The following PYURF variants were observed in gnomAD, a reference collection of about 807,000 sequenced individuals.
PYURF encodes the protein PIGY upstream open reading frame, also known as protein preY, mitochondrial.
In PYURF, 9 loss-of-function variants were observed where a neutral mutation model predicts 8.0. That is an observed-to-expected ratio of 1.13 (90% CI 0.68 to 1.97). The LOEUF (loss-of-function observed/expected upper bound fraction) is 1.97, where lower values mean the gene tolerates loss of function less well. PYURF is among the 30% of genes most tolerant of loss of function. The pLI is 0.00. For missense variants in PYURF, 130 were observed against 158.0 expected, an observed-to-expected ratio of 0.82 and a Z score of 0.95; for synonymous variants, 56 against 68.3, an observed-to-expected ratio of 0.82 and a Z score of 0.89.
In PYURF at chr4:88,521,190, G is replaced by C. The variant is rs1742361817; in HGVS notation, c.*698C>G. 5.4e-6 allele frequency: 1 copy of C among 184,492 alleles called. No individual in the cohort carries two copies. Among genetic ancestry groups the C allele is most frequent in the Admixed American group, 5.4e-5 (1 of 18,616 alleles). The allele number at this position is 184,492 out of a possible 1,614,324, so 11.4% of individuals were successfully genotyped here. A position where few individuals can be genotyped will look rare whatever the true frequency, so the allele number is the denominator to read the frequency against. ...GGACTATTCCAACATCACTCCTTTG[G>C]AATTATTTCAGTCATCCTTAACATG... On this transcript the variant is annotated 3_prime_UTR_variant, in exon 2 of 2. Coordinates refer to ENST00000273968, the MANE Select transcript of PYURF (RefSeq NM_032906.5).
chr4:88,521,728 A>T lies in PYURF; in HGVS notation c.*160T>A, dbSNP rs769973753. On this transcript the variant is annotated 3_prime_UTR_variant, in exon 2 of 2. Coordinates refer to ENST00000273968, the MANE Select transcript of PYURF (RefSeq NM_032906.5). ...GTTTTCTTCCACAGAGGCTGAGTAGAACAGTCCTGCTAAAGAAACCAGTGG... is the reference window on the plus strand; with the variant it reads ...GTTTTCTTCCACAGAGGCTGAGTAGTACAGTCCTGCTAAAGAAACCAGTGG... 3.1e-6 allele frequency: 5 copies of T among 1,613,888 alleles called. No individual in the cohort carries two copies. The South Asian group carries it at 5.5e-5, about 18-fold the overall frequency.
At chr4:88,523,028 GTC>G (rs1190925757) in intron 1 of PYURF, among the ~76,000 whole-genome samples, 2 of 152,048 alleles carry the variant, frequency 1.3e-5, no homozygotes, top group Non-Finnish European at 2.9e-5. Context: ...GGCGGCGCCT[GTC>G]TCTCGACTCC....
rs1163860381 is a variant in PYURF at position 88,523,703 on chromosome 4, T to G, written c.-3A>C. Reference sequence around the variant, plus strand: ...CTGCAGCGTGCTCCACTCAGCATGGTCTGGCAGCCGGAGACCAGGCCTCAC... The same window carrying G: ...CTGCAGCGTGCTCCACTCAGCATGGGCTGGCAGCCGGAGACCAGGCCTCAC... On this transcript the variant is annotated 5_prime_UTR_variant, in exon 1 of 2. Transcript: ENST00000273968. The G allele has an allele frequency of 1.4e-6, 2 of 1,465,560 alleles. No homozygotes were observed. Among genetic ancestry groups the G allele is most frequent in the Non-Finnish European group, 1.8e-6 (2 of 1,116,970 alleles). The allele number at this position is 1,465,560 out of a possible 1,614,324, so 90.8% of individuals were successfully genotyped here. A position where few individuals can be genotyped will look rare whatever the true frequency, so the allele number is the denominator to read the frequency against.
rs757668194 is a variant in PYURF, at chr4:88,521,852, G to A, written c.*36C>T. 4.5e-6 allele frequency: 7 copies of A among 1,557,262 alleles called. No homozygotes were observed. Among genetic ancestry groups the A allele is most frequent in the Middle Eastern group, 1.7e-4 (1 of 5,962 alleles). ...AAGGTATATGGTATTAAGAAAAGTT[G>A]GCTGTTGCGTTTTTTTAATTTTTTT... On this transcript the variant is annotated 3_prime_UTR_variant, in exon 2 of 2. Transcript: ENST00000273968.
Position 88,521,834 on chromosome 4 carries a change from A to G in PYURF, c.*54T>C. On this transcript the variant is annotated 3_prime_UTR_variant, in exon 2 of 2. Transcript: ENST00000273968. ...CCTGCCACTGTGTTTTAAAAGGTATATGGTATTAAGAAAAGTTGGCTGTTG... is the reference window on the plus strand; with the variant it reads ...CCTGCCACTGTGTTTTAAAAGGTATGTGGTATTAAGAAAAGTTGGCTGTTG... 1.3e-6 allele frequency: 2 copies of G among 1,581,834 alleles called. No individual in the cohort carries two copies. The highest frequency in any genetic ancestry group is 1.7e-6 in the Non-Finnish European group (2 of 1,164,170).
Position 88,521,774 on chromosome 4 carries a change from G to A in PYURF, c.*114C>T. On this transcript the variant is annotated 3_prime_UTR_variant, in exon 2 of 2. Transcript: ENST00000273968. ...AGTGGAATAAGAACAGTCAACGTAG[G>A]AAGAGACAGAAACATTCTTCTCTTC... 1.9e-6 allele frequency: 3 copies of A among 1,612,040 alleles called. No individual in the cohort carries two copies. Among genetic ancestry groups the A allele is most frequent in the Non-Finnish European group, 2.5e-6 (3 of 1,178,860 alleles).
Position 88,523,512 on chromosome 4 carries a change from G to A in PYURF, c.189C>T (p.Ser63=). Residue 63 remains serine (S), a synonymous_variant, in exon 1 of 2, where the codon TCC becomes TCT. Coordinates refer to ENST00000273968, the MANE Select transcript of PYURF (RefSeq NM_032906.5). ...ALLEFLVCPL[S]KKPLRYEAST... ...CAGCGAGTTACCTGAGCGGCTTCTT[G>A]GAGAGCGGGCACACCAGGAACTCCA... 1 of 1,551,330 alleles carries A rather than the reference G, an allele frequency of 6.4e-7. No homozygotes were observed. Among genetic ancestry groups the A allele is most frequent in the South Asian group, 1.2e-5 (1 of 84,066 alleles).
intron 1 of PYURF, among the ~76,000 whole-genome samples, chr4:88,522,385 G>A (rs1448682428): frequency 6.6e-6 from 1 of 151,600 alleles, no homozygotes; most frequent in Admixed American, 6.6e-5. Flanking sequence ...ATTTACTACT[G>A]GAATAAACAC....
Position 88,523,689 on chromosome 4 carries a change from T to C in PYURF, c.12A>G (p.Gly4=). The C allele has an allele frequency of 6.6e-7, 1 of 1,504,218 alleles. No individual in the cohort carries two copies. Among genetic ancestry groups the C allele is most frequent in the Non-Finnish European group, 8.8e-7 (1 of 1,133,116 alleles). 93.2% of individuals were successfully genotyped at this position (1,504,218 alleles called of 1,614,324 possible). Residue 4 remains glycine, a synonymous_variant, in exon 1 of 2, where the codon GGA becomes GGG. Coordinates refer to ENST00000273968, the MANE Select transcript of PYURF (RefSeq NM_032906.5). MLS[G]ARCRLASALR... ...GCGCTGAGGCGAGCCTGCAGCGTGC[T>C]CCACTCAGCATGGTCTGGCAGCCGG...
chr4:88,523,197 C>T (rs1742440505), intron 1 of PYURF, among the ~76,000 whole-genome samples: 1 of 152,186 alleles, frequency 6.6e-6, no homozygotes, highest in African/African-American at 2.4e-5. Context: ...GTCGGGGAAT[C>T]GGCATTTTTA....
chr4:88,521,682 G>C lies in PYURF; in HGVS notation c.*206C>G, dbSNP rs753094548. On this transcript the variant is annotated 3_prime_UTR_variant, in exon 2 of 2. Coordinates refer to ENST00000273968, the MANE Select transcript of PYURF (RefSeq NM_032906.5). The stretch of plus-strand genomic sequence containing the variant: ...GGCTGTAAAAGCAAAGGCTGGCTGT[G>C]CTAGTGCAGCCCTGTGGGAAGTTTT... The C allele has an allele frequency of 4.3e-6, 7 of 1,613,856 alleles. No homozygotes were observed. Among genetic ancestry groups the C allele is most frequent in the Middle Eastern group, 1.7e-4 (1 of 6,058 alleles).
At chr4:88,522,092 T>G in intron 1 of PYURF, 63 bp from the exon 2 acceptor site, 1 of 1,432,836 alleles carries the variant, frequency 7.0e-7, no homozygotes. Flanking sequence ...AAGAGCCTGA[T>G]TTTCAACAAA....
In PYURF at chr4:88,522,046, AAG is replaced by A. The variant is rs1424485506; in HGVS notation, c.204-19_204-18del. ...GCTTCATATCTGAGGTGGAAAAAAA[AAG>A]AACAAAATGAGTTGTGGGAAAATAA... On this transcript the variant is annotated intron_variant, in intron 1 of 1. Coordinates refer to ENST00000273968, the MANE Select transcript of PYURF (RefSeq NM_032906.5). 2.0e-6 allele frequency: 3 copies of A among 1,522,488 alleles called. No individual in the cohort carries two copies. The highest frequency in any genetic ancestry group is 4.6e-5 in the Admixed American group (2 of 43,158). The allele number at this position is 1,522,488 out of a possible 1,614,324, so 94.3% of individuals were successfully genotyped here. A position where few individuals can be genotyped will look rare whatever the true frequency, so the allele number is the denominator to read the frequency against.
At chr4:88,522,490 C>G (rs1034771683) in intron 1 of PYURF, among the ~76,000 whole-genome samples, 3 of 152,118 alleles carry the variant, frequency 2.0e-5, no homozygotes, top group Non-Finnish European at 1.5e-5. Flanking sequence ...GGTGAGAGGG[C>G]AGAAATGAAG....
Position 88,521,979 on chromosome 4 carries a change from T to C in PYURF, c.254A>G (p.Tyr85Cys), listed in dbSNP as rs1428215976. 1.3e-6 allele frequency: 2 copies of C among 1,551,334 alleles called. No individual in the cohort carries two copies. The highest frequency in any genetic ancestry group is 1.7e-6 in the Non-Finnish European group (2 of 1,146,888). Residue 85 changes from tyrosine (Y) to cysteine (C), a missense_variant, in exon 2 of 2, where the codon TAT (tyrosine) becomes TGT (cysteine). Transcript: ENST00000273968. ...ATTAGGGATCCCATCAATGATTGGATAAGCTATTCCCAACTCTTCATTAAT... is the reference window on the plus strand; with the variant it reads ...ATTAGGGATCCCATCAATGATTGGACAAGCTATTCCCAACTCTTCATTAAT... ...ELINEELGIA[Y>C]PIIDGIPNMI...
Position 88,523,530 on chromosome 4 carries a change from GA to G in PYURF, c.170del (p.Phe57SerfsTer20), listed in dbSNP as rs1415845930. On this transcript the variant is annotated frameshift_variant, in exon 1 of 2. Transcript: ENST00000273968. LOFTEE classifies it high-confidence loss of function. ...GCTTCTTGGAGAGCGGGCACACCAG[GA>G]ACTCCAGCAGCGCCGGATCGAAGTC... ...PRDFDPALLE[F>X]LVCPLSKKPL... 2.3e-5 allele frequency: 35 copies of G among 1,551,116 alleles called. No individual in the cohort carries two copies. The highest frequency in any genetic ancestry group is 2.8e-5 in the Non-Finnish European group (32 of 1,146,878).
chr4:88,523,582 C>A lies in PYURF; in HGVS notation c.119G>T (p.Gly40Val). The A allele has an allele frequency of 6.5e-7, 1 of 1,550,134 alleles. No individual in the cohort carries two copies. Among genetic ancestry groups the A allele is most frequent in the Non-Finnish European group, 8.7e-7 (1 of 1,146,814 alleles). Reference sequence around the variant, plus strand: ...GCGGGGCGGCTCCTCAGTCTTCTTGCCCCGGTCGGCCAAAGGCCGCGACCC... The same window carrying A: ...GCGGGGCGGCTCCTCAGTCTTCTTGACCCGGTCGGCCAAAGGCCGCGACCC... The part of the protein sequence containing the change: ...ASGSRPLADR[G>V]KKTEEPPRDF... The change falls in exon 1 of 2, where the codon GGC becomes GTC. Residue 40 changes from glycine (G) to valine (V), a missense_variant. Transcript: ENST00000273968.
chr4:88,523,484 G>A lies in PYURF; in HGVS notation c.203+14C>T, dbSNP rs1742456622. The A allele has an allele frequency of 6.4e-7, 1 of 1,550,980 alleles. No homozygotes were observed. Among genetic ancestry groups the A allele is most frequent in the Admixed American group, 2.0e-5 (1 of 50,992 alleles). Reference sequence around the variant, plus strand: ...CGGGAGGCTGCAAAGGAAGGGCCAAGGCCAGCGAGTTACCTGAGCGGCTTC... The same window carrying A: ...CGGGAGGCTGCAAAGGAAGGGCCAAAGCCAGCGAGTTACCTGAGCGGCTTC... On this transcript the variant is annotated intron_variant, in intron 1 of 1. Transcript: ENST00000273968.
Position 88,523,691 on chromosome 4 carries a change from C to T in PYURF, c.10G>A (p.Gly4Arg). 1.0e-5 allele frequency: 15 copies of T among 1,487,876 alleles called. No homozygotes were observed. Among genetic ancestry groups the T allele is most frequent in the Non-Finnish European group, 1.2e-5 (14 of 1,126,156 alleles). 92.2% of individuals were successfully genotyped at this position (1,487,876 alleles called of 1,614,324 possible). Residue 4 changes from glycine to arginine, a missense_variant, in exon 1 of 2, where the codon GGA becomes AGA. Gly to Arg is a moderately radical substitution (Grantham distance 125). Transcript: ENST00000273968. MLSGARCRLASALR... is the reference protein window; with the variant it reads MLSRARCRLASALR... ...GCTGAGGCGAGCCTGCAGCGTGCTC[C>T]ACTCAGCATGGTCTGGCAGCCGGAG... is the stretch of plus-strand genomic sequence containing the variant.
Sources: allele counts gnomAD v4.1 joint callset (sites outside exome capture counted in the v4.1 genomes callset), GRCh38; gene constraint gnomAD v4.1.1; transcripts MANE v1.5; gene names NCBI Gene and HGNC (gene_info 2026-07-23, HGNC 2026-07-21).